ALDH16A1: variants seen among roughly 807,000 people sequenced by gnomAD.
ALDH16A1 encodes the protein aldehyde dehydrogenase 16 family member A1.
A neutral mutation model predicts 96.1 loss-of-function variants in ALDH16A1; 88 were observed. The observed-to-expected ratio is 0.92, with a 90% CI of 0.77 to 1.09. The LOEUF is 1.09. ALDH16A1 is among the 50% of genes least tolerant of loss of function. The pLI is 0.00. For missense variants in ALDH16A1, 1,250 were observed against 1,112.6 expected (o/e 1.12, Z -1.76); for synonymous variants, 522 against 496.4 (o/e 1.05, Z -0.69).
intron 1 of ALDH16A1, among the ~76,000 whole-genome samples, chr19:49,458,125 G>C (rs554779804): frequency 1.3e-5 from 2 of 151,920 alleles, no homozygotes; most frequent in African/African-American, 4.8e-5. Context: ...AGATTGAGGC[G>C]GGAGAATAGC....
At chr19:49,460,181 G>C (rs890293279) in intron 4 of ALDH16A1, among the ~76,000 whole-genome samples, 5 of 151,914 alleles carry the variant, frequency 3.3e-5, no homozygotes, top group Admixed American at 6.6e-5. Context: ...CCAAAGTGCT[G>C]GGATTACAGG....
At chr19:49,458,729 C>A (rs1375013023) in intron 2 of ALDH16A1, 141 bp downstream of exon 2, 4 of 1,099,026 alleles carry the variant, frequency 3.6e-6, no homozygotes, top group African/African-American at 1.6e-5. Context: ...TGTCTGGTTC[C>A]TTCTGAAACC....
At chr19:49,466,845 G>A (rs2079203394) in intron 14 of ALDH16A1, among the ~76,000 whole-genome samples, 1 of 151,492 alleles carries the variant, frequency 6.6e-6, no homozygotes, top group African/African-American at 2.4e-5. Context: ...GAGTGACAGA[G>A]TGAGACCTTG....
intron 4 of ALDH16A1, 87 bp from the exon 5 acceptor site, chr19:49,460,735 T>A: frequency 1.1e-6 from 1 of 898,076 alleles, no homozygotes; most frequent in Non-Finnish European, 1.7e-6. Context: ...TTTTTCCTAA[T>A]GTAGCCATGG....
Position 49,468,346 on chromosome 19 carries a change from C to G in ALDH16A1, c.1939-35C>G, listed in dbSNP as rs538251977. Reference sequence around the variant, plus strand: ...TCTCTCATTTACTGCGGGCGGGGCTCCCCTGCCCCACACGTGACCCACCTG... The same window carrying G: ...TCTCTCATTTACTGCGGGCGGGGCTGCCCTGCCCCACACGTGACCCACCTG... On this transcript the variant is annotated intron_variant, in intron 14 of 16. Transcript: ENST00000293350. The surrounding 1 kb of genome is among the most constrained non-coding windows in gnomAD (Gnocchi z 4.4). 476 of 1,588,540 alleles carry G rather than the reference C, an allele frequency of 3.0e-4. 2 individuals carry two copies. In the East Asian group the frequency reaches 9.2e-3, roughly 31 times the overall value.
chr19:49,463,937 T>A lies in ALDH16A1; in HGVS notation c.1182T>A (p.Cys394Ter). The A allele has an allele frequency of 6.2e-7, 1 of 1,610,244 alleles. No homozygotes were observed. The highest frequency in any genetic ancestry group is 8.5e-7 in the Non-Finnish European group (1 of 1,177,916). Reference protein sequence around the residue: ...LVSNLPPASPCAQVEVPWPVV... With the variant: ...LVSNLPPASP ...CCAACCTGCCCCCAGCCTCCCCATG[T>A]GCCCAGGTGGAGGTGAGACCCTTAA... The change falls in exon 9 of 17, where the codon TGT becomes TGA. Residue 394 changes from cysteine to a stop codon, truncating the protein, a stop_gained. Transcript: ENST00000293350. LOFTEE classifies it high-confidence loss of function.
chr19:49,464,176 C>T lies in ALDH16A1; in HGVS notation c.1244C>T (p.Ala415Val), dbSNP rs754029074. 4 of 1,608,692 alleles carry T rather than the reference C, an allele frequency of 2.5e-6. No individual in the cohort carries two copies. Among genetic ancestry groups the T allele is most frequent in the African/African-American group, 1.3e-5 (1 of 75,026 alleles). ...TCCCCCTTCCGCACAGCCAAGGAGG[C>T]ACTGTTGGTGGCCAACGGGACGCCC... Reference protein sequence around the residue: ...VASPFRTAKEALLVANGTPRG... With the variant: ...VASPFRTAKEVLLVANGTPRG... Residue 415 changes from alanine (A) to valine (V), a missense_variant, in exon 10 of 17, where the codon GCA (alanine) becomes GTA (valine). Transcript: ENST00000293350.
rs761048032 is a variant in ALDH16A1, at chr19:49,466,148, C to T, written c.1803C>T (p.Arg601=). The part of the protein sequence containing the change: ...LLWALAAALE[R]RKSTLASRLE... ...GGGCCCTGGCGGCTGCACTGGAGCGCCGGAAGTCTACCCTGGCCTCGAGGC... is the reference window on the plus strand; with the variant it reads ...GGGCCCTGGCGGCTGCACTGGAGCGTCGGAAGTCTACCCTGGCCTCGAGGC... Residue 601 remains arginine (R), a synonymous_variant, in exon 14 of 17, where the codon CGC becomes CGT. Coordinates refer to ENST00000293350, the MANE Select transcript of ALDH16A1 (RefSeq NM_153329.4). 1 of 1,559,062 alleles carries T rather than the reference C, an allele frequency of 6.4e-7. No individual in the cohort carries two copies. Among genetic ancestry groups the T allele is most frequent in the Non-Finnish European group, 8.7e-7 (1 of 1,154,144 alleles).
Position 49,464,671 on chromosome 19 carries a change from C to T in ALDH16A1, c.1477C>T (p.Arg493Trp), listed in dbSNP as rs150696383. 1,053 of 1,614,188 alleles carry T rather than the reference C, an allele frequency of 6.5e-4. 1 individual carries two copies. The highest frequency in any genetic ancestry group is 8.3e-4 in the Non-Finnish European group (981 of 1,180,030). ...TCTGCGGCCCTCAGGGACCCCTGCC[C>T]GGCTGTCCTGCCTCTCCAAGAACCT... ...EYLRPSGTPA[R>W]LSCLSKNLNY... is the part of the protein sequence containing the mutation. Residue 493 changes from arginine to tryptophan, a missense_variant, in exon 12 of 17, where the codon CGG (arginine) becomes TGG (tryptophan). Physicochemically the swap from Arg to Trp is moderately radical, Grantham distance 101. Transcript: ENST00000293350.
At position 49,462,568 on chromosome 19, in the gene ALDH16A1, AG is replaced by A; in HGVS notation, c.914del. The A allele has an allele frequency of 6.2e-7, 1 of 1,612,200 alleles. No homozygotes were observed. The highest frequency in any genetic ancestry group is 8.5e-7 in the Non-Finnish European group (1 of 1,179,650). ...ATCTCCTGATGCCCCTTTTCCTCAC[AG>A]GGTGGCCTCAGGCTCCTCATCCAGG... On this transcript the variant is annotated splice_acceptor_variant, in intron 7 of 16. Transcript: ENST00000293350. LOFTEE classifies it high-confidence loss of function.
rs1056199681 is a variant in ALDH16A1, at chr19:49,458,711, G to C, written c.193+123G>C. ...AGGAAACAGCTGGTGGTGGGAGATG[G>C]GCTGCGATGTCTGGTTCCTTCTGAA... On this transcript the variant is annotated intron_variant, in intron 2 of 16. Coordinates refer to ENST00000293350, the MANE Select transcript of ALDH16A1 (RefSeq NM_153329.4). 1.6e-5 allele frequency: 18 copies of C among 1,159,020 alleles called. No homozygotes were observed. In the African/African-American group the frequency reaches 2.5e-4, roughly 16 times the overall value. 71.8% of individuals were successfully genotyped at this position (1,159,020 alleles called of 1,614,324 possible). A position where few individuals can be genotyped will look rare whatever the true frequency, so the allele number is the denominator to read the frequency against.
chr19:49,467,313 G>A (rs1021054344), intron 14 of ALDH16A1, among the ~76,000 whole-genome samples: 9 of 148,506 alleles, frequency 6.1e-5, no homozygotes, highest in African/African-American at 2.0e-4. Context: ...GAGCCACTGC[G>A]CCTGGCCAGG....
At position 49,468,743 on chromosome 19, in the gene ALDH16A1, G is replaced by A; in HGVS notation, c.2125-121G>A. The A allele has an allele frequency of 7.1e-7, 1 of 1,398,892 alleles. No individual in the cohort carries two copies. Among genetic ancestry groups the A allele is most frequent in the Non-Finnish European group, 9.8e-7 (1 of 1,024,762 alleles). 86.7% of individuals were successfully genotyped at this position (1,398,892 alleles called of 1,614,324 possible). A position where few individuals can be genotyped will look rare whatever the true frequency, so the allele number is the denominator to read the frequency against. On this transcript the variant is annotated intron_variant, in intron 15 of 16. Coordinates refer to ENST00000293350, the MANE Select transcript of ALDH16A1 (RefSeq NM_153329.4). The surrounding 1 kb of genome is among the most constrained non-coding windows in gnomAD (Gnocchi z 4.4). Reference sequence around the variant, plus strand: ...GACCCAGTGCCCATTCTTCACCCTAGGCCTGGGGCTTTCTCCTCCATGACC... The same window carrying A: ...GACCCAGTGCCCATTCTTCACCCTAAGCCTGGGGCTTTCTCCTCCATGACC...
At chr19:49,453,604 A>G (rs1410171388) in intron 1 of ALDH16A1, 183 bp downstream of exon 1, 1 of 576,006 alleles carries the variant, frequency 1.7e-6, no homozygotes, top group Non-Finnish European at 3.1e-6. Flanking sequence ...TGGCGGTGGC[A>G]GCCTTTTAGT....
rs1271033907 is a variant in ALDH16A1 at position 49,461,894 on chromosome 19, C to T, written c.770C>T (p.Ala257Val). 1.3e-6 allele frequency: 2 copies of T among 1,585,086 alleles called. No homozygotes were observed. The highest frequency in any genetic ancestry group is 1.8e-5 in the Admixed American group (1 of 55,732). ...GGGGGGGGTCCCTAGGAAGGGCGTG[C>T]CCTTCGACGGAGCCTGGCGGGAGAG... ...AFCGAPEEGR[A>V]LRRSLAGECA... The change falls in exon 7 of 17, where the codon GCC becomes GTC. Residue 257 changes from alanine (A) to valine (V), a missense_variant. Physicochemically the swap from Ala to Val is moderately conservative, Grantham distance 64 (BLOSUM62 0). Coordinates refer to ENST00000293350, the MANE Select transcript of ALDH16A1 (RefSeq NM_153329.4).
intron 16 of ALDH16A1, chr19:49,469,277 A>G (rs147541076): frequency 5.7e-5 from 14 of 243,764 alleles, no homozygotes; most frequent in Non-Finnish European, 1.0e-4. Context: ...TTGTTTTTCT[A>G]TTTTGAGACA....
chr19:49,457,698 C>G (rs904735599), intron 1 of ALDH16A1, among the ~76,000 whole-genome samples: 8 of 151,828 alleles, frequency 5.3e-5, no homozygotes, highest in Non-Finnish European at 1.0e-4. Context: ...CAGCCTCTAC[C>G]TCCTGGGCTC....
At chr19:49,458,364 G>A (rs1046734969) in intron 1 of ALDH16A1, 122 bp from the exon 2 acceptor site, 1 of 724,622 alleles carries the variant, frequency 1.4e-6, no homozygotes, top group Admixed American at 2.7e-5. Flanking sequence ...AGCAATAGGA[G>A]GAAAAGAATT....
Position 49,460,807 on chromosome 19 carries a change from AT to A in ALDH16A1, c.500-8del. ...TAGCCTCAAGGGATCCTCTTGCCTC[AT>A]TTTTTTCTTGCAGGAGTAATTGGCC... On this transcript the variant is annotated splice_polypyrimidine_tract_variant and intron_variant, in intron 4 of 16. Transcript: ENST00000293350. 2 of 1,606,554 alleles carry A rather than the reference AT, an allele frequency of 1.2e-6. No individual in the cohort carries two copies. The highest frequency in any genetic ancestry group is 1.1e-5 in the South Asian group (1 of 90,896).
Sources: gnomAD v4.1 joint callset for allele counts (sites outside exome capture counted in the v4.1 genomes callset) on GRCh38, gnomAD v4.1.1 for gene constraint, Gnocchi (gnomAD v3.1) non-coding constraint, MANE v1.5 for transcripts, NCBI Gene and HGNC (gene_info 2026-07-23, HGNC 2026-07-21) for gene names.